The following DUSP1 variants were observed in gnomAD, a reference collection of about 807,000 sequenced individuals.
The protein encoded by DUSP1 is dual specificity phosphatase 1, also known as dual specificity protein phosphatase 1.
In DUSP1, 10 loss-of-function variants were observed where a neutral mutation model predicts 27.4. The ratio of observed to expected loss-of-function variants is 0.37; its 90% CI spans 0.23 to 0.62. DUSP1 has a LOEUF of 0.62. DUSP1 is among the 20% of genes least tolerant of loss of function. The probability of loss-of-function intolerance (pLI) is 0.68; values close to 1 mark genes in which losing one functional copy is unlikely to be tolerated. For missense variants in DUSP1, 425 were observed against 508.1 expected (o/e 0.84, Z 1.57); for synonymous variants, 262 against 223.6 (o/e 1.17, Z -1.53).
chr5:172,770,090 T>C lies in DUSP1; in HGVS notation c.513+71A>G, dbSNP rs933797867. 7.3e-6 allele frequency: 11 copies of C among 1,515,082 alleles called. No homozygotes were observed. The Admixed American group carries it at 2.5e-4, about 35-fold the overall frequency. The allele number at this position is 1,515,082 out of a possible 1,614,324, so 93.9% of individuals were successfully genotyped here. ...TAATGCTGCAGGTCACTTTCTATAT[T>C]CTCCCTGGCACTACTCTTCCATGCC... On this transcript the variant is annotated intron_variant, in intron 2 of 3. Coordinates refer to ENST00000239223, the MANE Select transcript of DUSP1 (RefSeq NM_004417.4).
rs1263765217 is a variant in DUSP1, at chr5:172,769,729, G to C, written c.579C>G (p.Asp193Glu). 1 of 1,614,270 alleles carries C rather than the reference G, an allele frequency of 6.2e-7. No homozygotes were observed. The highest frequency in any genetic ancestry group is 8.5e-7 in the Non-Finnish European group (1 of 1,180,048). ...LGSAYHASRK[D>E]MLDALGITAL... ...CAGTGATGCCCAAGGCATCCAGCAT[G>C]TCCTTGCGGGAAGCGTGATACGCAC... is the stretch of plus-strand genomic sequence containing the variant. Residue 193 changes from aspartate to glutamate, a missense_variant, in exon 3 of 4, where the codon GAC becomes GAG. By Grantham distance (45) the Asp-to-Glu change is conservative (BLOSUM62 2). Coordinates refer to ENST00000239223, the MANE Select transcript of DUSP1 (RefSeq NM_004417.4).
intron 3 of DUSP1, 148 bp downstream of exon 3, chr5:172,769,427 A>G: frequency 2.1e-6 from 2 of 948,126 alleles, no homozygotes; most frequent in Non-Finnish European, 3.1e-6. Flanking sequence ...TCAAATTCAT[A>G]TTTTACAGGA....
At chr5:172,769,894 AC>A in intron 2 of DUSP1, 100 bp from the exon 3 acceptor site, 1 of 1,361,658 alleles carries the variant, frequency 7.3e-7, no homozygotes, top group Non-Finnish European at 1.0e-6. Context: ...AATTTCAGAT[AC>A]CGAGTGAACT....
chr5:172,770,120 C>G, intron 2 of DUSP1, 41 bp downstream of exon 2: 1 of 1,533,674 alleles, frequency 6.5e-7, no homozygotes, highest in Non-Finnish European at 8.7e-7. Context: ...CATGCCTTTG[C>G]CAGTTCTTAC....
chr5:172,770,692 G>C lies in DUSP1; in HGVS notation c.261C>G (p.Asp87Glu). 1 of 1,369,682 alleles carries C rather than the reference G, an allele frequency of 7.3e-7. No homozygotes were observed. The highest frequency in any genetic ancestry group is 3.1e-5 in the East Asian group (1 of 32,320). The allele number at this position is 1,369,682 out of a possible 1,614,324, so 84.8% of individuals were successfully genotyped here. A position where few individuals can be genotyped will look rare whatever the true frequency, so the allele number is the denominator to read the frequency against. The change falls in exon 1 of 4, where the codon GAC becomes GAG. Residue 87 changes from aspartate to glutamate, a missense_variant. Asp to Glu is a conservative substitution (Grantham distance 45). Coordinates refer to ENST00000239223, the MANE Select transcript of DUSP1 (RefSeq NM_004417.4). Reference sequence around the variant, plus strand: ...CGCCGTCCAGGGCGGCGCTGCGCTCGTCCAGCAACACCACGGCGTGGTAGG... The same window carrying C: ...CGCCGTCCAGGGCGGCGCTGCGCTCCTCCAGCAACACCACGGCGTGGTAGG... ...AGAYHAVVLL[D>E]ERSAALDGAK... is the part of the protein sequence containing the mutation.
chr5:172,768,099 C>T lies in DUSP1; in HGVS notation c.*663G>A, dbSNP rs1202453278. 2.6e-5 allele frequency: 4 copies of T among 152,510 alleles called. No individual in the cohort carries two copies. Among genetic ancestry groups the T allele is most frequent in the Non-Finnish European group, 5.9e-5 (4 of 68,018 alleles). 9.4% of individuals were successfully genotyped at this position (152,510 alleles called of 1,614,324 possible). ...CAAAGAAATAAAAGCGTTGAAATTTCAATAGAAATGCCATAATTTATTCCA... is the reference window on the plus strand; with the variant it reads ...CAAAGAAATAAAAGCGTTGAAATTTTAATAGAAATGCCATAATTTATTCCA... On this transcript the variant is annotated 3_prime_UTR_variant, in exon 4 of 4. Coordinates refer to ENST00000239223, the MANE Select transcript of DUSP1 (RefSeq NM_004417.4).
In DUSP1 at chr5:172,770,628, G is replaced by A. The variant is rs923998270; in HGVS notation, c.325C>T (p.Leu109Phe). Residue 109 changes from leucine to phenylalanine, a missense_variant, in exon 1 of 4, where the codon CTC becomes TTC. Coordinates refer to ENST00000239223, the MANE Select transcript of DUSP1 (RefSeq NM_004417.4). ...TGCGCGGCGCGCGCCTCGCGGCAGA[G>A]CGCGCCGGCCGCCAGGGCCAGGGTG... ...DGTLALAAGA[L>F]CREARAAQVF... 5 of 1,318,046 alleles carry A rather than the reference G, an allele frequency of 3.8e-6. No homozygotes were observed. Among genetic ancestry groups the A allele is most frequent in the Admixed American group, 7.4e-5 (2 of 26,950 alleles). 81.6% of individuals were successfully genotyped at this position (1,318,046 alleles called of 1,614,324 possible).
At position 172,769,669 on chromosome 5, in the gene DUSP1, A is replaced by C. The variant is rs755359150; in HGVS notation, c.639T>G (p.His213Gln). 1.3e-5 allele frequency: 21 copies of C among 1,614,246 alleles called. No homozygotes were observed. Among genetic ancestry groups the C allele is most frequent in the Non-Finnish European group, 1.7e-5 (20 of 1,180,048 alleles). The change falls in exon 3 of 4, where the codon CAT (histidine) becomes CAG (glutamine). Residue 213 changes from histidine to glutamine, a missense_variant. Physicochemically the swap from His to Gln is conservative, Grantham distance 24. Around this residue, in one of 3 missense-constraint regions of DUSP1, gnomAD observed 282 missense variants for 319.3 expected, o/e 0.88. Coordinates refer to ENST00000239223, the MANE Select transcript of DUSP1 (RefSeq NM_004417.4). ...LINVSANCPN[H>Q]FEGHYQYKSI... ...TCTTGTACTGGTAGTGACCCTCAAA[A>C]TGGTTGGGACAATTGGCTGAGACGT...
In DUSP1 at chr5:172,771,054, C is replaced by G. The variant is rs1056551311; in HGVS notation, c.-102G>C. The G allele has an allele frequency of 7.7e-6, 10 of 1,306,246 alleles. No individual in the cohort carries two copies. The Admixed American group carries it at 1.6e-4, about 21-fold the overall frequency. The allele number at this position is 1,306,246 out of a possible 1,614,324, so 80.9% of individuals were successfully genotyped here. A position where few individuals can be genotyped will look rare whatever the true frequency, so the allele number is the denominator to read the frequency against. On this transcript the variant is annotated 5_prime_UTR_variant, in exon 1 of 4. Transcript: ENST00000239223. ...GCTTTTCGAGGAAAAGCTAGACCCC[C>G]GGGTCTCTCTGCGCCGAACCAAAAG...
chr5:172,770,608 G>A lies in DUSP1; in HGVS notation c.345C>T (p.Ala115=). The A allele has an allele frequency of 2.2e-6, 3 of 1,350,578 alleles. No individual in the cohort carries two copies. Among genetic ancestry groups the A allele is most frequent in the East Asian group, 2.9e-5 (1 of 34,900 alleles). The allele number at this position is 1,350,578 out of a possible 1,614,324, so 83.7% of individuals were successfully genotyped here. ...TACCTTTGAGGAAGAAGACTTGCGC[G>A]GCGCGCGCCTCGCGGCAGAGCGCGC... ...AAGALCREAR[A]AQVFFLKGGY... The change falls in exon 1 of 4, where the codon GCC becomes GCT. Residue 115 remains alanine, a synonymous_variant. Transcript: ENST00000239223.
intron 2 of DUSP1, 128 bp from the exon 3 acceptor site, chr5:172,769,922 G>A: frequency 8.0e-7 from 1 of 1,253,374 alleles, no homozygotes. Context: ...TGTTGCTGGA[G>A]GATAAATAAA....
intron 3 of DUSP1, among the ~76,000 whole-genome samples, 162 bp downstream of exon 3, chr5:172,769,413 C>G (rs78727992): frequency 4.6e-5 from 7 of 152,152 alleles, no homozygotes; most frequent in Non-Finnish European, 8.8e-5. Context: ...AGTGGGACAT[C>G]GAATCAAATT....
Position 172,768,927 on chromosome 5 carries a change from C to G in DUSP1, c.939G>C (p.Leu313=). The part of the protein sequence containing the change: ...GQLLQFESQV[L]APHCSAEAGS... The stretch of plus-strand genomic sequence containing the variant: ...CAGCCTCTGCCGAACAGTGCGGAGC[C>G]AGCACCTGGGACTCAAACTGCAGCA... Residue 313 remains leucine (L), a synonymous_variant, in exon 4 of 4, where the codon CTG becomes CTC. Transcript: ENST00000239223. 1 of 1,614,164 alleles carries G rather than the reference C, an allele frequency of 6.2e-7. No individual in the cohort carries two copies. Among genetic ancestry groups the G allele is most frequent in the South Asian group, 1.1e-5 (1 of 91,074 alleles).
At position 172,770,833 on chromosome 5, in the gene DUSP1, G is replaced by A. The variant is rs1226635873; in HGVS notation, c.120C>T (p.Ile40=). Residue 40 remains isoleucine (I), a synonymous_variant, in exon 1 of 4, where the codon ATC becomes ATT. Transcript: ENST00000239223. ...TGAAGCGCACGTTGACAGAGCCGGCGATGTGGCCGGCGTTGAAAGCGAAGA... is the reference window on the plus strand; with the variant it reads ...TGAAGCGCACGTTGACAGAGCCGGCAATGTGGCCGGCGTTGAAAGCGAAGA... ...RSFFAFNAGH[I]AGSVNVRFST... 7.2e-6 allele frequency: 11 copies of A among 1,526,734 alleles called. No homozygotes were observed. The highest frequency in any genetic ancestry group is 2.0e-5 in the Admixed American group (1 of 49,318). The allele number at this position is 1,526,734 out of a possible 1,614,324, so 94.6% of individuals were successfully genotyped here. A position where few individuals can be genotyped will look rare whatever the true frequency, so the allele number is the denominator to read the frequency against.
rs544747470 is a variant in DUSP1, at chr5:172,768,447, A to C, written c.*315T>G. 5.1e-5 allele frequency: 13 copies of C among 252,482 alleles called. No homozygotes were observed. In the East Asian group the frequency reaches 8.9e-4, roughly 17 times the overall value. The allele number at this position is 252,482 out of a possible 1,614,324, so 15.6% of individuals were successfully genotyped here. The stretch of plus-strand genomic sequence containing the variant: ...CGGGAATAATACTGGTAGGTATGTC[A>C]AGCATGAAGAGATTCTACAAAAAAC... On this transcript the variant is annotated 3_prime_UTR_variant, in exon 4 of 4. Coordinates refer to ENST00000239223, the MANE Select transcript of DUSP1 (RefSeq NM_004417.4).
At position 172,770,930 on chromosome 5, in the gene DUSP1, A is replaced by G; in HGVS notation, c.23T>C (p.Leu8Pro). The G allele has an allele frequency of 6.5e-7, 1 of 1,539,790 alleles. No homozygotes were observed. Among genetic ancestry groups the G allele is most frequent in the East Asian group, 2.4e-5 (1 of 41,054 alleles). The change falls in exon 1 of 4, where the codon CTG becomes CCG. Residue 8 changes from leucine (L) to proline (P), a missense_variant. By Grantham distance (98) the Leu-to-Pro change is moderately conservative (BLOSUM62 -3). Around this residue, in one of 3 missense-constraint regions of DUSP1, gnomAD observed 282 missense variants for 319.3 expected, o/e 0.88. Transcript: ENST00000239223. ...CAGCGCCCGCAGGCCTCCAGCGTCC[A>G]GGGTGCCCACTTCCATGACCATGGC... MVMEVGTLDAGGLRALLG... is the reference protein window; with the variant it reads MVMEVGTPDAGGLRALLG...
At chr5:172,770,548 G>A (rs781232951) in intron 1 of DUSP1, 38 bp downstream of exon 1, 14 of 1,427,278 alleles carry the variant, frequency 9.8e-6, no homozygotes, top group Non-Finnish European at 1.3e-5. Context: ...AAAACCTCAG[G>A]GGTGTGCGGC....
rs1239612077 is a variant in DUSP1 at position 172,770,278 on chromosome 5, G to A, written c.396C>T (p.Cys132=). The change falls in exon 2 of 4, where the codon TGC becomes TGT. Residue 132 remains cysteine (C), a synonymous_variant. Coordinates refer to ENST00000239223, the MANE Select transcript of DUSP1 (RefSeq NM_004417.4). ...KGGYEAFSAS[C]PELCSKQSTP... is the part of the protein sequence containing the mutation. Reference sequence around the variant, plus strand: ...TCGACTGTTTGCTGCACAGCTCCGGGCAGGAAGCCGAAAACGCTTCGTATC... The same window carrying A: ...TCGACTGTTTGCTGCACAGCTCCGGACAGGAAGCCGAAAACGCTTCGTATC... The A allele has an allele frequency of 5.0e-6, 8 of 1,611,564 alleles. No homozygotes were observed. The highest frequency in any genetic ancestry group is 6.8e-6 in the Non-Finnish European group (8 of 1,179,100).
At chr5:172,769,874 T>G (rs1422263800) in intron 2 of DUSP1, 80 bp from the exon 3 acceptor site, 3 of 1,484,508 alleles carry the variant, frequency 2.0e-6, no homozygotes, top group Non-Finnish European at 2.7e-6. Context: ...AACTTTCTGC[T>G]GGAAAAGTCA....
Sources: allele counts gnomAD v4.1 joint callset (sites outside exome capture counted in the v4.1 genomes callset), GRCh38; gene constraint gnomAD v4.1.1; regional missense constraint gnomAD v4.1.1; transcripts MANE v1.5; gene names NCBI Gene and HGNC (gene_info 2026-07-23, HGNC 2026-07-21).